MMP16: variants seen among roughly 807,000 people sequenced by gnomAD.
MMP16 encodes matrix metalloproteinase-16.
MMP16 carries 12 observed loss-of-function variants against 67.8 expected under a neutral mutation model. The ratio of observed to expected loss-of-function variants is 0.18; its 90% CI spans 0.11 to 0.29. The LOEUF is 0.29. Among genes scored for constraint, MMP16 ranks in the 10% least tolerant of loss-of-function variants. The probability of loss-of-function intolerance (pLI) is 1.00; values close to 1 mark genes in which losing one functional copy is unlikely to be tolerated. For synonymous variants in MMP16, 249 were observed against 255.9 expected, an observed-to-expected ratio of 0.97 and a Z score of 0.26; for missense variants, 475 against 765.7, an observed-to-expected ratio of 0.62 and a Z score of 4.48.
chr8:88,074,850 G>A (rs1287335398), intron 6 of MMP16, 107 bp from the exon 7 acceptor site: 2 of 1,374,358 alleles, frequency 1.5e-6, no homozygotes, highest in African/African-American at 2.9e-5. Flanking sequence ...CTTATTTATT[G>A]TCTTACATTA....
At position 88,190,695 on chromosome 8, in the gene MMP16, C is replaced by A. The variant is rs1809156654; in HGVS notation, c.282-4097G>T. 3.3e-5 allele frequency among the ~76,000 whole-genome samples: 5 copies of A among 152,166 alleles called. No individual in the cohort carries two copies. The South Asian group carries it at 1.0e-3, about 32-fold the overall frequency. Reference sequence around the variant, plus strand: ...CAGGAATATATAACTATATCTATATCCACATACAAAGTTAACATATAAGTG... The same window carrying A: ...CAGGAATATATAACTATATCTATATACACATACAAAGTTAACATATAAGTG... On this transcript the variant is annotated intron_variant, in intron 2 of 9. Coordinates refer to ENST00000286614, the MANE Select transcript of MMP16 (RefSeq NM_005941.5).
At chr8:88,175,804 G>A (rs73287086) in intron 3 of MMP16, among the ~76,000 whole-genome samples, 1 of 152,052 alleles carries the variant, frequency 6.6e-6, no homozygotes, top group Non-Finnish European at 1.5e-5. Context: ...TGAATCATGG[G>A]GTCAGGTTTT....
intron 1 of MMP16, among the ~76,000 whole-genome samples, chr8:88,226,875 C>CTTAT (rs1809778688): frequency 6.9e-5 from 5 of 72,842 alleles, no homozygotes; most frequent in African/African-American, 1.4e-4. Context: ...TCAGCCTACA[C>CTTAT]GTATTTATTT....
chr8:88,126,628 G>A (rs545485124), intron 4 of MMP16, among the ~76,000 whole-genome samples: 2 of 151,942 alleles, frequency 1.3e-5, no homozygotes, highest in African/African-American at 4.8e-5. Context: ...TAACATGATT[G>A]TGGTAATCAC....
intron 1 of MMP16, among the ~76,000 whole-genome samples, chr8:88,306,776 A>T (rs1404330024): frequency 1.3e-5 from 2 of 152,158 alleles, no homozygotes; most frequent in African/African-American, 4.8e-5. Context: ...GAAGAAATAC[A>T]CTGTAAAATA....
chr8:88,134,180 A>G (rs759321504), intron 4 of MMP16, among the ~76,000 whole-genome samples: 10 of 151,794 alleles, frequency 6.6e-5, no homozygotes, highest in Non-Finnish European at 1.0e-4. Flanking sequence ...CTCCAGCAAT[A>G]TGTCACCAAT....
At chr8:88,125,097 C>T (rs1166597799) in intron 4 of MMP16, among the ~76,000 whole-genome samples, 2 of 151,584 alleles carry the variant, frequency 1.3e-5, no homozygotes, top group Non-Finnish European at 2.9e-5. Context: ...ACAATTCAGT[C>T]CATAAAAATT....
In MMP16 at chr8:88,034,157, G is replaced by C. The variant is rs1378579951; in HGVS notation, c.*7304C>G. 1 of 149,918 alleles carries C rather than the reference G, an allele frequency of 6.7e-6. No homozygotes were observed. The highest frequency in any genetic ancestry group is 1.5e-5 in the Non-Finnish European group (1 of 67,632). The allele number at this position is 149,918 out of a possible 1,614,324, so 9.3% of individuals were successfully genotyped here. ...TTGACGAAAAATACTGAGGAACAAA[G>C]ACATTTCCTGGGTACCATCTCTGAT... On this transcript the variant is annotated 3_prime_UTR_variant, in exon 10 of 10. Coordinates refer to ENST00000286614, the MANE Select transcript of MMP16 (RefSeq NM_005941.5).
chr8:88,074,281 A>G (rs1475879092), intron 7 of MMP16, among the ~76,000 whole-genome samples: 2 of 152,182 alleles, frequency 1.3e-5, no homozygotes, highest in African/African-American at 4.8e-5. Flanking sequence ...ACCAGCAAGC[A>G]ACTCCAAATA....
At chr8:88,266,949 A>G (rs1268689027) in intron 1 of MMP16, among the ~76,000 whole-genome samples, 1 of 152,200 alleles carries the variant, frequency 6.6e-6, no homozygotes, top group Non-Finnish European at 1.5e-5. Context: ...TCTATTAACT[A>G]TTCTAAAATA....
chr8:88,051,733 G>T (rs962121528), intron 8 of MMP16, among the ~76,000 whole-genome samples: 1 of 152,022 alleles, frequency 6.6e-6, no homozygotes, highest in South Asian at 2.1e-4. Context: ...AATAAAGTAG[G>T]TCTACATTTT....
intron 1 of MMP16, among the ~76,000 whole-genome samples, chr8:88,233,326 A>G (rs764662032): frequency 1.8e-4 from 28 of 152,108 alleles, no homozygotes; most frequent in Non-Finnish European, 2.5e-4. Context: ...CTGCTTTTCT[A>G]CATTTCTATG....
intron 7 of MMP16, among the ~76,000 whole-genome samples, chr8:88,067,175 T>G (rs1471265552): frequency 6.6e-6 from 1 of 152,090 alleles, no homozygotes; most frequent in Non-Finnish European, 1.5e-5. Flanking sequence ...ATACTAAAAC[T>G]TTAACGTAGA....
chr8:88,214,148 A>G (rs750628733), intron 1 of MMP16, among the ~76,000 whole-genome samples: 31 of 152,284 alleles, frequency 2.0e-4, no homozygotes, highest in Non-Finnish European at 3.7e-4. Flanking sequence ...AACTCTCTCC[A>G]GAACTCCAGA....
At chr8:88,321,989 G>A (rs1811467208) in intron 1 of MMP16, among the ~76,000 whole-genome samples, 1 of 151,986 alleles carries the variant, frequency 6.6e-6, no homozygotes, top group African/African-American at 2.4e-5. Flanking sequence ...TTTTACTATT[G>A]TAGAAAACAC....
At chr8:88,303,487 C>T (rs1811163957) in intron 1 of MMP16, among the ~76,000 whole-genome samples, 1 of 152,212 alleles carries the variant, frequency 6.6e-6, no homozygotes, top group Admixed American at 6.5e-5. Context: ...AAGTGGGTCC[C>T]TGATCCTGTT....
At chr8:88,269,694 A>C (rs1218917220) in intron 1 of MMP16, among the ~76,000 whole-genome samples, 1 of 152,162 alleles carries the variant, frequency 6.6e-6, no homozygotes, top group Non-Finnish European at 1.5e-5. Context: ...TGAAGTGTTA[A>C]TCAGACACCT....
chr8:88,167,594 G>A, intron 4 of MMP16, 75 bp downstream of exon 4: 1 of 1,399,776 alleles, frequency 7.1e-7, no homozygotes, highest in South Asian at 1.5e-5. Context: ...CCTTAAGTTT[G>A]TAAATTGTTA....
At chr8:88,156,308 G>A (rs745307627) in intron 4 of MMP16, among the ~76,000 whole-genome samples, 2 of 152,016 alleles carry the variant, frequency 1.3e-5, no homozygotes, top group South Asian at 2.1e-4. Context: ...GGTACGTACA[G>A]CTTTACTGAA....
Sources: gnomAD v4.1 joint callset for allele counts (sites outside exome capture counted in the v4.1 genomes callset) on GRCh38, gnomAD v4.1.1 for gene constraint, MANE v1.5 for transcripts, NCBI Gene and HGNC (gene_info 2026-07-23, HGNC 2026-07-21) for gene names.